PRR16: variants seen among roughly 807,000 people sequenced by gnomAD.
PRR16 encodes proline rich 16.
Under a neutral mutation model 18.2 loss-of-function variants are expected in PRR16, and 6 were observed. The ratio of observed to expected loss-of-function variants is 0.33; its 90% confidence interval spans 0.18 to 0.65. The LOEUF (loss-of-function observed/expected upper bound fraction) is 0.65. Ranked by LOEUF, PRR16 falls within the 30% of genes least tolerant of loss-of-function variation. The pLI is 0.74. For missense variants in PRR16, 412 were observed against 376.6 expected (o/e 1.09, Z -0.78); for synonymous variants, 151 against 147.8 (o/e 1.02, Z -0.16).
intron 1 of PRR16, among the ~76,000 whole-genome samples, chr5:120,548,615 T>A (rs1310185349): frequency 3.9e-5 from 6 of 152,076 alleles, no homozygotes; most frequent in Non-Finnish European, 7.4e-5. Flanking sequence ...AAGGGTCAGA[T>A]GTTACTATTA....
chr5:120,791,596 T>A, the PRR16 span, among the ~76,000 whole-genome samples: 114 of 71,202 alleles, frequency 1.6e-3, no homozygotes, highest in African/African-American at 3.9e-3. Context: ...TCTATCTATC[T>A]ATCTATCTAT....
At chr5:120,747,027 A>C in the PRR16 span, among the ~76,000 whole-genome samples, 1 of 152,228 alleles carries the variant, frequency 6.6e-6, no homozygotes, top group Non-Finnish European at 1.5e-5. Context: ...ATTTGAAGTA[A>C]TTTACTTCAT....
intron 1 of PRR16, among the ~76,000 whole-genome samples, chr5:120,482,799 G>A (rs1749662654): frequency 6.6e-6 from 1 of 152,144 alleles, no homozygotes; most frequent in Admixed American, 6.6e-5. Context: ...GCTTACCATA[G>A]TGCTGATCAT....
chr5:120,680,043 C>T (rs1477830217), intron 1 of PRR16, among the ~76,000 whole-genome samples: 1 of 152,080 alleles, frequency 6.6e-6, no homozygotes, highest in Non-Finnish European at 1.5e-5. Flanking sequence ...GATGGATATG[C>T]TCATTCGTTC....
intron 1 of PRR16, among the ~76,000 whole-genome samples, chr5:120,576,487 A>G (rs1488084290): frequency 6.6e-6 from 1 of 152,186 alleles, no homozygotes; most frequent in Non-Finnish European, 1.5e-5. Context: ...TCCAGTTAGA[A>G]CGGCCACTGT....
intron 1 of PRR16, among the ~76,000 whole-genome samples, chr5:120,584,576 G>A (rs942654260): frequency 6.6e-5 from 10 of 151,986 alleles, no homozygotes; most frequent in Admixed American, 2.0e-4. Flanking sequence ...TGTTCCCCAG[G>A]CATTTTCTAA....
the PRR16 span, among the ~76,000 whole-genome samples, chr5:120,793,389 G>A: frequency 6.6e-6 from 1 of 152,112 alleles, no homozygotes; most frequent in Non-Finnish European, 1.5e-5. Flanking sequence ...GATATCACAT[G>A]TCCAGTGGCT....
chr5:120,488,668 A>G lies in PRR16; in HGVS notation c.159+24023A>G, dbSNP rs552358084. 7.2e-5 allele frequency among the ~76,000 whole-genome samples: 11 copies of G among 151,980 alleles called. No homozygotes were observed. The South Asian group carries it at 2.3e-3, about 32-fold the overall frequency. The stretch of plus-strand genomic sequence containing the variant: ...TTTCCTTCAGTTCTGCTCTGATTTT[A>G]GTTATTTCTTGCCTTCTGCTAGCTT... On this transcript the variant is annotated intron_variant, in intron 1 of 1. Transcript: ENST00000407149.
At chr5:120,481,311 A>G (rs1286733218) in intron 1 of PRR16, 4 of 439,432 alleles carry the variant, frequency 9.1e-6, no homozygotes, top group Non-Finnish European at 1.4e-5. Flanking sequence ...TTGTATTTTT[A>G]GCAGAGACGG....
rs189798502 is a variant in PRR16, at chr5:120,674,531, A to G, written c.160-11423A>G. ...ACTAGCAAAATGTCTTTCACTGTCT[A>G]TTCCTCCTGAAGAAACTGTATTGAT... On this transcript the variant is annotated intron_variant, in intron 1 of 1. Transcript: ENST00000407149. Among the ~76,000 whole-genome samples the G allele has an allele frequency of 5.3e-5, 8 of 152,284 alleles. No individual in the cohort carries two copies. The East Asian group carries it at 7.7e-4, about 15-fold the overall frequency.
chr5:120,597,315 C>T (rs1753846570), intron 1 of PRR16, among the ~76,000 whole-genome samples: 1 of 151,408 alleles, frequency 6.6e-6, no homozygotes, highest in South Asian at 2.1e-4. Context: ...ATGCTTTGTG[C>T]TTTGTGAGTC....
chr5:120,638,436 A>T (rs1469367767), intron 1 of PRR16, among the ~76,000 whole-genome samples: 4 of 152,158 alleles, frequency 2.6e-5, no homozygotes, highest in African/African-American at 9.7e-5. Context: ...AGGCTAGAAG[A>T]ATTTCAGTAA....
intron 1 of PRR16, among the ~76,000 whole-genome samples, chr5:120,674,583 G>A (rs1002195635): frequency 6.6e-6 from 1 of 152,054 alleles, no homozygotes; most frequent in Non-Finnish European, 1.5e-5. Context: ...TTTTCTGAGT[G>A]TCTTGAAATT....
Position 120,608,224 on chromosome 5 carries a change from T to G in PRR16, c.160-77730T>G, listed in dbSNP as rs1754219511. 1.3e-5 allele frequency among the ~76,000 whole-genome samples: 2 copies of G among 152,196 alleles called. 1 individual carries two copies. Among genetic ancestry groups the G allele is most frequent in the Admixed American group, 1.3e-4 (2 of 15,272 alleles). ...GATAGCACAAGAATGGAGTAAAATT[T>G]TGCCTTCCCTGCATAATATCCATTT... On this transcript the variant is annotated intron_variant, in intron 1 of 1. Coordinates refer to ENST00000407149, the MANE Select transcript of PRR16 (RefSeq NM_001300783.2).
chr5:120,469,164 A>G (rs1749191810), intron 1 of PRR16, among the ~76,000 whole-genome samples: 2 of 152,238 alleles, frequency 1.3e-5, no homozygotes, highest in African/African-American at 4.8e-5. Flanking sequence ...CAATTATCTG[A>G]AAAATATTTT....
At chr5:120,742,035 TCTC>T in the PRR16 span, among the ~76,000 whole-genome samples, 131 of 152,278 alleles carry the variant, frequency 8.6e-4, 1 homozygote, top group African/African-American at 2.9e-3. Flanking sequence ...GATGATTTTC[TCTC>T]CTCTTGTTAG....
At chr5:120,718,947 G>C in the PRR16 span, among the ~76,000 whole-genome samples, 1 of 152,002 alleles carries the variant, frequency 6.6e-6, no homozygotes, top group South Asian at 2.1e-4. Flanking sequence ...TGAAGAAGGG[G>C]CATGTAATTT....
At chr5:120,680,700 A>G (rs999810715) in intron 1 of PRR16, among the ~76,000 whole-genome samples, 1 of 152,146 alleles carries the variant, frequency 6.6e-6, no homozygotes, top group East Asian at 1.9e-4. Context: ...ATCACCAACA[A>G]TTGGGATTAT....
At chr5:120,544,670 A>G (rs1280477223) in intron 1 of PRR16, among the ~76,000 whole-genome samples, 6 of 152,012 alleles carry the variant, frequency 3.9e-5, no homozygotes. Context: ...AAGTAATCAC[A>G]CTCACATTCA....
Sources: allele counts gnomAD v4.1 joint callset (sites outside exome capture counted in the v4.1 genomes callset), GRCh38; gene constraint gnomAD v4.1.1; transcripts MANE v1.5; gene names NCBI Gene and HGNC (gene_info 2026-07-23, HGNC 2026-07-21).